Variants in DAB1 observed in about 807,000 individuals in gnomAD.
DAB1 encodes the protein DAB adaptor protein 1.
DAB1 carries 15 observed loss-of-function variants against 64.6 expected under a neutral mutation model. The ratio of observed to expected loss-of-function variants is 0.23; its 90% CI spans 0.16 to 0.36. DAB1 has a LOEUF of 0.36. Ranked by LOEUF, DAB1 falls within the 10% of genes least tolerant of loss-of-function variation. DAB1 has a pLI of 1.00. For synonymous variants in DAB1, 235 were observed against 251.9 expected (o/e 0.93, Z 0.64); for missense variants, 596 against 706.7 (o/e 0.84, Z 1.78).
At chr1:57,928,238 G>C (rs1474563788) in intron 5 of DAB1, among the ~76,000 whole-genome samples, 1 of 151,792 alleles carries the variant, frequency 6.6e-6, no homozygotes, top group African/African-American at 2.4e-5. Flanking sequence ...TTCCCATTCA[G>C]ACTCTAGCCC....
intron 5 of DAB1, among the ~76,000 whole-genome samples, chr1:57,998,552 CG>C (rs1292834810): frequency 1.3e-5 from 2 of 151,996 alleles, no homozygotes; most frequent in African/African-American, 2.4e-5. Context: ...TTAGTAGAGA[CG>C]GGGTTTCACC....
intron 4 of DAB1, among the ~76,000 whole-genome samples, chr1:58,219,338 G>A (rs7550775): frequency 0.46 from 69,817 of 151,958 alleles, 19,822 homozygotes; most frequent in Non-Finnish European, 0.66. Context: ...ACGGGGTAAG[G>A]GAAGAAGACT....
At chr1:58,325,576 T>A (rs1350177286) in intron 4 of DAB1, among the ~76,000 whole-genome samples, 1 of 152,202 alleles carries the variant, frequency 6.6e-6, no homozygotes, top group South Asian at 2.1e-4. Flanking sequence ...CCATTTCTAT[T>A]TATAAGACTT....
At chr1:57,959,712 A>G (rs1645472457) in intron 5 of DAB1, among the ~76,000 whole-genome samples, 3 of 152,208 alleles carry the variant, frequency 2.0e-5, no homozygotes, top group African/African-American at 7.2e-5. Context: ...AAAGGAATTC[A>G]CAGCATCTTT....
intron 5 of DAB1, among the ~76,000 whole-genome samples, chr1:57,947,202 A>C (rs1166078980): frequency 6.6e-6 from 1 of 152,136 alleles, no homozygotes; most frequent in Non-Finnish European, 1.5e-5. Flanking sequence ...CTGGAGTCAA[A>C]ATTTGAGCCC....
chr1:58,362,920 CTT>C (rs199507861), intron 3 of DAB1, among the ~76,000 whole-genome samples: 1 of 152,130 alleles, frequency 6.6e-6, no homozygotes, highest in Non-Finnish European at 1.5e-5. Context: ...AATTTATTTT[CTT>C]ACATTTCCGG....
chr1:57,546,365 G>A (rs1457553309), intron 7 of DAB1, among the ~76,000 whole-genome samples: 2 of 152,166 alleles, frequency 1.3e-5, no homozygotes, highest in African/African-American at 4.8e-5. Context: ...CATATTTTAA[G>A]TAGAGAAAAG....
chr1:57,628,873 T>A (rs907104355), intron 7 of DAB1, among the ~76,000 whole-genome samples: 2 of 152,240 alleles, frequency 1.3e-5, no homozygotes, highest in African/African-American at 2.4e-5. Context: ...TGCTTTGTAT[T>A]TGGAGATTTT....
At chr1:57,010,242 T>C (rs1320226252) in intron 14 of DAB1, among the ~76,000 whole-genome samples, 1 of 152,174 alleles carries the variant, frequency 6.6e-6, no homozygotes, top group African/African-American at 2.4e-5. Context: ...GTGGGCAGAA[T>C]GTGTCCATCT....
At chr1:57,076,153 G>A (rs764133873) in intron 4 of DAB1, among the ~76,000 whole-genome samples, 12 of 152,156 alleles carry the variant, frequency 7.9e-5, no homozygotes, top group Non-Finnish European at 1.5e-4. Flanking sequence ...TGGTCCTAGG[G>A]CATAAGAACT....
intron 4 of DAB1, among the ~76,000 whole-genome samples, chr1:58,171,944 A>C (rs1007614666): frequency 1.3e-5 from 2 of 152,254 alleles, no homozygotes; most frequent in Non-Finnish European, 2.9e-5. Flanking sequence ...CAGGGCCCTC[A>C]GCAAGGAACG....
chr1:57,933,313 T>C (rs1644979536), intron 5 of DAB1, among the ~76,000 whole-genome samples: 1 of 152,270 alleles, frequency 6.6e-6, no homozygotes, highest in Non-Finnish European at 1.5e-5. Flanking sequence ...ACATCTCTTA[T>C]GGATATAAGA....
At chr1:57,483,183 T>C (rs1473843191) in intron 7 of DAB1, among the ~76,000 whole-genome samples, 1 of 152,222 alleles carries the variant, frequency 6.6e-6, no homozygotes, top group African/African-American at 2.4e-5. Flanking sequence ...TCTTATAACA[T>C]GTATTTTTTA....
intron 4 of DAB1, among the ~76,000 whole-genome samples, chr1:58,221,702 G>C (rs1659180310): frequency 6.6e-6 from 1 of 152,250 alleles, no homozygotes; most frequent in African/African-American, 2.4e-5. Context: ...CACTGGCATA[G>C]TGTGCAGGCA....
At chr1:57,665,827 T>TC (rs1047459509) in intron 6 of DAB1, among the ~76,000 whole-genome samples, 1 of 150,506 alleles carries the variant, frequency 6.6e-6, no homozygotes, top group Non-Finnish European at 1.5e-5. Flanking sequence ...GTTTTTTTTT[T>TC]CTTCCCTTTT....
At chr1:57,573,929 T>G (rs1240110004) in intron 7 of DAB1, among the ~76,000 whole-genome samples, 1 of 152,196 alleles carries the variant, frequency 6.6e-6, no homozygotes, top group East Asian at 1.9e-4. Context: ...AACACTCTCC[T>G]TGATTATTGA....
intron 10 of DAB1, among the ~76,000 whole-genome samples, chr1:57,025,420 C>T (rs982324847): frequency 9.9e-5 from 15 of 151,986 alleles, no homozygotes; most frequent in Non-Finnish European, 2.1e-4. Context: ...AGGTCATGGT[C>T]TGCAAAGCTG....
At chr1:58,361,402 C>T (rs1290664308) in intron 3 of DAB1, among the ~76,000 whole-genome samples, 1 of 152,238 alleles carries the variant, frequency 6.6e-6, no homozygotes, top group African/African-American at 2.4e-5. Flanking sequence ...TAAACCCCCA[C>T]TATCATGCAA....
intron 2 of DAB1, among the ~76,000 whole-genome samples, chr1:58,520,163 G>C (rs1360381331): frequency 1.3e-5 from 2 of 152,206 alleles, no homozygotes; most frequent in Non-Finnish European, 2.9e-5. Context: ...CACTACCTCG[G>C]GGAGAGGATC....
Sources: allele counts gnomAD v4.1 joint callset (sites outside exome capture counted in the v4.1 genomes callset), GRCh38; gene constraint gnomAD v4.1.1; transcripts MANE v1.5; gene names NCBI Gene and HGNC (gene_info 2026-07-23, HGNC 2026-07-21).